TBC1D5: variants seen among roughly 807,000 people sequenced by gnomAD.
The protein encoded by TBC1D5 is TBC1 domain family member 5.
A neutral mutation model predicts 100.3 loss-of-function variants in TBC1D5; 75 were observed. The ratio of observed to expected loss-of-function variants is 0.75; its 90% CI spans 0.62 to 0.91. The LOEUF is 0.91. TBC1D5 is among the 40% of genes least tolerant of loss of function. TBC1D5 has a pLI of 0.00. For missense variants in TBC1D5, 910 were observed against 942.4 expected (o/e 0.97, Z 0.45); for synonymous variants, 323 against 325.6 (o/e 0.99, Z 0.09).
intron 19 of TBC1D5, among the ~76,000 whole-genome samples, chr3:17,178,058 T>C (rs1575761231): frequency 6.8e-6 from 1 of 147,988 alleles, no homozygotes; most frequent in Admixed American, 6.8e-5. Context: ...TATGGCTGAA[T>C]AGTGCTCCTT....
intron 19 of TBC1D5, among the ~76,000 whole-genome samples, chr3:17,175,649 GC>G (rs1231134188): frequency 4.6e-5 from 7 of 152,186 alleles, no homozygotes; most frequent in African/African-American, 7.2e-5. Flanking sequence ...TTGCCATCAT[GC>G]CCTTACTTGG....
chr3:17,619,563 A>G (rs2062473775), intron 2 of TBC1D5, among the ~76,000 whole-genome samples: 2 of 152,226 alleles, frequency 1.3e-5, no homozygotes, highest in Admixed American at 6.5e-5. Flanking sequence ...ATAAAATTCA[A>G]TGTTTCTCAT....
intron 1 of TBC1D5, among the ~76,000 whole-genome samples, chr3:17,698,538 C>G (rs1389515894): frequency 6.6e-6 from 1 of 151,406 alleles, no homozygotes; most frequent in Non-Finnish European, 1.5e-5. Context: ...CCAAAATTGA[C>G]AAATGGGATC....
intron 13 of TBC1D5, among the ~76,000 whole-genome samples, chr3:17,312,238 C>T (rs1429614885): frequency 6.6e-6 from 1 of 151,982 alleles, no homozygotes; most frequent in Non-Finnish European, 1.5e-5. Flanking sequence ...AGAAAACAGT[C>T]ACAAAAAATG....
At chr3:17,167,654 G>T in intron 20 of TBC1D5, 95 bp downstream of exon 21, 1 of 1,081,768 alleles carries the variant, frequency 9.2e-7, no homozygotes, top group Non-Finnish European at 1.4e-6. Flanking sequence ...GGGTTAGGGG[G>T]ATGCTGGCTC....
chr3:17,455,165 TAC>T (rs549322724), intron 3 of TBC1D5, among the ~76,000 whole-genome samples: 4,062 of 140,744 alleles, frequency 0.029, 199 homozygotes, highest in African/African-American at 0.1. Flanking sequence ...AAAAAAAGTA[TAC>T]ACACACACAC....
At chr3:17,457,036 G>A (rs1369258704) in intron 3 of TBC1D5, among the ~76,000 whole-genome samples, 2 of 152,008 alleles carry the variant, frequency 1.3e-5, no homozygotes, top group South Asian at 2.1e-4. Context: ...ATATTTTGGG[G>A]GGTAGAATCT....
chr3:17,305,355 G>C (rs778947691), intron 14 of TBC1D5, among the ~76,000 whole-genome samples: 3 of 152,062 alleles, frequency 2.0e-5, no homozygotes, highest in Non-Finnish European at 4.4e-5. Context: ...TTAGGTAATA[G>C]GACCATATAA....
intron 9 of TBC1D5, among the ~76,000 whole-genome samples, chr3:17,383,377 A>T: frequency 6.6e-6 from 1 of 152,002 alleles, no homozygotes; most frequent in East Asian, 1.9e-4. Context: ...TAAATAATTT[A>T]CATTTCAATA....
intron 18 of TBC1D5, among the ~76,000 whole-genome samples, chr3:17,213,575 G>A (rs2073241378): frequency 6.6e-6 from 1 of 151,784 alleles, no homozygotes; most frequent in African/African-American, 2.4e-5. Context: ...AGAGCAGCCT[G>A]GCCAATATGG....
intron 13 of TBC1D5, among the ~76,000 whole-genome samples, chr3:17,351,413 G>A (rs899972216): frequency 4.6e-5 from 7 of 152,148 alleles, no homozygotes; most frequent in African/African-American, 1.4e-4. Flanking sequence ...AAAAGAATGA[G>A]TTCATGTCCT....
At chr3:17,599,230 C>T (rs922738321) in intron 2 of TBC1D5, among the ~76,000 whole-genome samples, 2 of 152,100 alleles carry the variant, frequency 1.3e-5, no homozygotes, top group Non-Finnish European at 2.9e-5. Context: ...AAAAGTTATC[C>T]CTGTTTCCCC....
chr3:17,682,637 G>A (rs1211458987), intron 1 of TBC1D5, among the ~76,000 whole-genome samples: 1 of 148,308 alleles, frequency 6.7e-6, no homozygotes, highest in African/African-American at 2.6e-5. Flanking sequence ...GTCCCCATTT[G>A]ACCAGGAAGG....
At chr3:17,698,724 G>C (rs1225637508) in intron 1 of TBC1D5, among the ~76,000 whole-genome samples, 4 of 150,494 alleles carry the variant, frequency 2.7e-5, no homozygotes, top group Admixed American at 1.3e-4. Flanking sequence ...CCATCAAAAA[G>C]TGGGCAAAGG....
Position 17,498,488 on chromosome 3 carries a change from G to C in TBC1D5, c.97+9986C>G, listed in dbSNP as rs116755668. Among the ~76,000 whole-genome samples the C allele has an allele frequency of 6.9e-3, 1,056 of 152,202 alleles. 14 individuals carry two copies. The highest frequency in any genetic ancestry group is 0.024 in the African/African-American group (1,013 of 41,550). Reference sequence around the variant, plus strand: ...AGACGTCTTTTAAGAACAGAACAATGTCAAAGAATCATTGTGGAAACATTT... The same window carrying C: ...AGACGTCTTTTAAGAACAGAACAATCTCAAAGAATCATTGTGGAAACATTT... On this transcript the variant is annotated intron_variant, in intron 3 of 21. Transcript: ENST00000253692.
At position 17,404,786 on chromosome 3, in the gene TBC1D5, A is replaced by C. The variant is rs79512099; in HGVS notation, c.367-18T>G. 1 of 1,599,730 alleles carries C rather than the reference A, an allele frequency of 6.3e-7. No homozygotes were observed. Among genetic ancestry groups the C allele is most frequent in the East Asian group, 2.3e-5 (1 of 44,422 alleles). On this transcript the variant is annotated intron_variant, in intron 6 of 21. Coordinates refer to ENST00000253692, the Ensembl canonical transcript of TBC1D5. ...GTAATATGCTAGTAAAGAAAGAGAA[A>C]ACACACACACAAGGATCAGAGGCTA...
intron 17 of TBC1D5, among the ~76,000 whole-genome samples, chr3:17,231,278 G>A (rs1272622812): frequency 6.6e-6 from 1 of 152,100 alleles, no homozygotes; most frequent in Non-Finnish European, 1.5e-5. Context: ...ACCTCACTGA[G>A]TTAAGTCTTT....
At chr3:17,346,798 T>C (rs527692131) in intron 13 of TBC1D5, among the ~76,000 whole-genome samples, 29 of 152,304 alleles carry the variant, frequency 1.9e-4, no homozygotes, top group Non-Finnish European at 2.9e-4. Flanking sequence ...TTGTCCCAAA[T>C]AGATAATAAA....
chr3:17,490,581 T>C (rs767157270), intron 3 of TBC1D5, among the ~76,000 whole-genome samples: 1 of 152,166 alleles, frequency 6.6e-6, no homozygotes, highest in Non-Finnish European at 1.5e-5. Flanking sequence ...ATTTATTAAA[T>C]AGGGAATCCT....
Sources: allele counts gnomAD v4.1 joint callset (sites outside exome capture counted in the v4.1 genomes callset), GRCh38; gene constraint gnomAD v4.1.1; transcripts MANE v1.5; gene names NCBI Gene and HGNC (gene_info 2026-07-23, HGNC 2026-07-21).